The following ATL3 variants were observed in gnomAD, a reference collection of about 807,000 sequenced individuals.
ATL3 encodes the protein atlastin GTPase 3, also known as atlastin-3.
A neutral mutation model predicts 69.5 loss-of-function variants in ATL3; 49 were observed. That is an observed-to-expected ratio of 0.71 (90% CI 0.56 to 0.89). The LOEUF is 0.89. ATL3 is among the 40% of genes least tolerant of loss of function. The probability of loss-of-function intolerance (pLI) is 0.00; values close to 1 mark genes in which losing one functional copy is unlikely to be tolerated. For synonymous variants in ATL3, 214 were observed against 224.1 expected, an observed-to-expected ratio of 0.95 and a Z score of 0.40; for missense variants, 606 against 645.7, an observed-to-expected ratio of 0.94 and a Z score of 0.67.
At chr11:63,669,134 A>C (rs940814743) in intron 1 of ATL3, among the ~76,000 whole-genome samples, 3 of 151,764 alleles carry the variant, frequency 2.0e-5, no homozygotes, top group Admixed American at 1.3e-4. Context: ...CTCCCGGCCA[A>C]GTAAGGATTT....
intron 3 of ATL3, among the ~76,000 whole-genome samples, chr11:63,658,233 T>C (rs779671146): frequency 2.6e-5 from 4 of 152,210 alleles, no homozygotes; most frequent in African/African-American, 4.8e-5. Context: ...TAAAAAGCTA[T>C]GTGTTTTTTA....
Position 63,671,317 on chromosome 11 carries a change from C to A in ATL3, c.19G>T (p.Val7Leu). MLSPQR[V>L]AAAASRGADD... ...GCTCCTCTTGAGGCAGCTGCTGCCA[C>A]TCGCTGAGGGGACAACATGGAGCCT... The change falls in exon 1 of 13, where the codon GTG becomes TTG. Residue 7 changes from valine (V) to leucine (L), a missense_variant. Physicochemically the swap from Val to Leu is conservative, Grantham distance 32. Transcript: ENST00000398868. The A allele has an allele frequency of 6.3e-7, 1 of 1,588,722 alleles. No homozygotes were observed. The highest frequency in any genetic ancestry group is 2.4e-5 in the East Asian group (1 of 41,270).
At chr11:63,645,615 C>T (rs1590730508) in intron 6 of ATL3, among the ~76,000 whole-genome samples, 1 of 151,758 alleles carries the variant, frequency 6.6e-6, no homozygotes, top group South Asian at 2.1e-4. Flanking sequence ...TGTGTTGAGA[C>T]GGTCTTGCTT....
chr11:63,637,277 GAA>G (rs56386158), intron 8 of ATL3, among the ~76,000 whole-genome samples: 1 of 140,070 alleles, frequency 7.1e-6, no homozygotes, highest in Admixed American at 7.1e-5. Flanking sequence ...CTCCATCTCA[GAA>G]AAAAAAAAAA....
At chr11:63,668,947 C>T (rs1307113069) in intron 1 of ATL3, among the ~76,000 whole-genome samples, 1 of 149,718 alleles carries the variant, frequency 6.7e-6, no homozygotes, top group East Asian at 2.0e-4. Flanking sequence ...ACCTCAGCCT[C>T]CTGAGTAGCC....
rs1939029060 is a variant in ATL3 at position 63,624,199 on chromosome 11, T to C, written c.*5120A>G. The C allele has an allele frequency of 6.6e-6, 1 of 152,196 alleles. No homozygotes were observed. The highest frequency in any genetic ancestry group is 1.5e-5 in the Non-Finnish European group (1 of 68,034). 9.4% of individuals were successfully genotyped at this position (152,196 alleles called of 1,614,324 possible). ...ATCCCATTGCACTTTTTAAAAACTA[T>C]ATTAAGTTTCAAAGCCACTCAAAGG... On this transcript the variant is annotated 3_prime_UTR_variant, in exon 13 of 13. Coordinates refer to ENST00000398868, the MANE Select transcript of ATL3 (RefSeq NM_015459.5).
intron 11 of ATL3, chr11:63,632,594 G>T (rs1414644784): frequency 1.2e-6 from 1 of 861,010 alleles, no homozygotes; most frequent in Non-Finnish European, 2.0e-6. Flanking sequence ...GAATTCTACA[G>T]ATTCCAGTTA....
chr11:63,663,122 C>CT (rs770860366), intron 1 of ATL3, among the ~76,000 whole-genome samples: 2,063 of 145,234 alleles, frequency 0.014, 20 homozygotes, highest in African/African-American at 0.034. Flanking sequence ...GTTCTTCGCA[C>CT]TTTTTTTTTT....
At chr11:63,664,753 A>T (rs1310097562) in intron 1 of ATL3, among the ~76,000 whole-genome samples, 1 of 150,924 alleles carries the variant, frequency 6.6e-6, no homozygotes, top group African/African-American at 2.4e-5. Flanking sequence ...GACCACAGGC[A>T]TGCACCTCCA....
At chr11:63,670,107 A>C (rs1017579697) in intron 1 of ATL3, among the ~76,000 whole-genome samples, 1 of 152,196 alleles carries the variant, frequency 6.6e-6, no homozygotes, top group Non-Finnish European at 1.5e-5. Flanking sequence ...ACTCCGTCTC[A>C]AAAAATAATA....
chr11:63,660,590 T>C (rs1940390156), intron 1 of ATL3, among the ~76,000 whole-genome samples: 1 of 152,184 alleles, frequency 6.6e-6, no homozygotes, highest in African/African-American at 2.4e-5. Flanking sequence ...TGAATGCCTA[T>C]GTCCACCAAA....
At chr11:63,651,529 A>C (rs551466) in intron 5 of ATL3, among the ~76,000 whole-genome samples, 20,995 of 152,174 alleles carry the variant, frequency 0.14, 1,569 homozygotes, top group Middle Eastern at 0.18. Context: ...AAAGACCCAG[A>C]ATGAGTGGGA....
In ATL3 at chr11:63,636,226, C is replaced by G. The variant is rs371153317; in HGVS notation, c.959G>C (p.Gly320Ala). ...ATTTACCTTAAAATACTCCAGTAGT[C>G]CCCGACAGGTGACCTTTGAGCCATT... ...EINGSKVTCR[G>A]LLEYFKAYIK... is the part of the protein sequence containing the mutation. Residue 320 changes from glycine to alanine, a missense_variant, in exon 9 of 13, where the codon GGA becomes GCA. Transcript: ENST00000398868. The G allele has an allele frequency of 3.6e-5, 58 of 1,613,952 alleles. No homozygotes were observed. The highest frequency in any genetic ancestry group is 4.6e-5 in the Non-Finnish European group (54 of 1,180,006).
rs1939215931 is a variant in ATL3, at chr11:63,629,066, G to A, written c.*253C>T. Reference sequence around the variant, plus strand: ...CCTCCTCCATAAAGTGCACAAAGCAGAGTAATATGAAAATAGACACAGGCT... The same window carrying A: ...CCTCCTCCATAAAGTGCACAAAGCAAAGTAATATGAAAATAGACACAGGCT... On this transcript the variant is annotated 3_prime_UTR_variant, in exon 13 of 13. Coordinates refer to ENST00000398868, the MANE Select transcript of ATL3 (RefSeq NM_015459.5). The A allele has an allele frequency of 2.1e-6, 1 of 470,010 alleles. No homozygotes were observed. The highest frequency in any genetic ancestry group is 3.8e-6 in the Non-Finnish European group (1 of 262,334). The allele number at this position is 470,010 out of a possible 1,614,324, so 29.1% of individuals were successfully genotyped here.
At chr11:63,654,970 C>T (rs1169847766) in intron 3 of ATL3, among the ~76,000 whole-genome samples, 1 of 146,850 alleles carries the variant, frequency 6.8e-6, no homozygotes, top group Admixed American at 6.8e-5. Context: ...ATTGATTTTT[C>T]TCCTCATTTG....
chr11:63,664,708 C>T (rs938195577), intron 1 of ATL3, among the ~76,000 whole-genome samples: 1 of 150,738 alleles, frequency 6.6e-6, no homozygotes, highest in African/African-American at 2.4e-5. Context: ...GCGCAACCTC[C>T]GCCTCCCGGG....
At chr11:63,670,497 C>T (rs1167109655) in intron 1 of ATL3, 2 of 152,232 alleles carry the variant, frequency 1.3e-5, no homozygotes, top group Admixed American at 1.3e-4. Context: ...GTCATTTCAA[C>T]AGCACACACA....
intron 8 of ATL3, among the ~76,000 whole-genome samples, chr11:63,637,500 G>A (rs901567776): frequency 6.6e-6 from 1 of 151,900 alleles, no homozygotes; most frequent in Non-Finnish European, 1.5e-5. Context: ...GAGACCCTCG[G>A]AACCACCCCA....
At position 63,624,363 on chromosome 11, in the gene ATL3, A is replaced by G. The variant is rs1199652425; in HGVS notation, c.*4956T>C. The stretch of plus-strand genomic sequence containing the variant: ...ACAGCATGTATCTAATTAGAAAGCT[A>G]TGGGAATCAATGCTACCTTCCCTTG... On this transcript the variant is annotated 3_prime_UTR_variant, in exon 13 of 13. Transcript: ENST00000398868. 1 of 152,220 alleles carries G rather than the reference A, an allele frequency of 6.6e-6. No homozygotes were observed. The highest frequency in any genetic ancestry group is 1.9e-4 in the East Asian group (1 of 5,204). 9.4% of individuals were successfully genotyped at this position (152,220 alleles called of 1,614,324 possible). A position where few individuals can be genotyped will look rare whatever the true frequency, so the allele number is the denominator to read the frequency against.
Sources: allele counts gnomAD v4.1 joint callset (sites outside exome capture counted in the v4.1 genomes callset), GRCh38; gene constraint gnomAD v4.1.1; transcripts MANE v1.5; gene names NCBI Gene and HGNC (gene_info 2026-07-23, HGNC 2026-07-21).